The following NLRP12 variants were observed in gnomAD, a reference collection of about 807,000 sequenced individuals.
NLRP12 encodes NLR family pyrin domain containing 12.
A neutral mutation model predicts 91.2 loss-of-function variants in NLRP12; 108 were observed. The observed-to-expected ratio is 1.18, with a 90% CI of 1.01 to 1.39. NLRP12 has a LOEUF of 1.39. Ranked by LOEUF, NLRP12 falls within the 40% of genes most tolerant of loss-of-function variation. The probability of loss-of-function intolerance (pLI) is 0.00; values close to 1 mark genes in which losing one functional copy is unlikely to be tolerated. For synonymous variants in NLRP12, 613 were observed against 566.7 expected (o/e 1.08, Z -1.16); for missense variants, 1,530 against 1,352.7 (o/e 1.13, Z -2.06).
chr19:53,804,087 T>C lies in NLRP12; in HGVS notation c.2450A>G (p.Gln817Arg). 1.2e-6 allele frequency: 2 copies of C among 1,614,044 alleles called. No individual in the cohort carries two copies. Among genetic ancestry groups the C allele is most frequent in the South Asian group, 1.1e-5 (1 of 91,082 alleles). ...GGTGCCGAGCACAGAAGCCATCTCC[T>C]GACAAGCCCCGGACTCCAGCTGACA... is the stretch of plus-strand genomic sequence containing the variant. ...RKCQLESGAC[Q>R]EMASVLGTNP... The change falls in exon 6 of 10, where the codon CAG becomes CGG. Residue 817 changes from glutamine to arginine, a missense_variant. Coordinates refer to ENST00000324134, the MANE Select transcript of NLRP12 (RefSeq NM_144687.4).
chr19:53,809,439 G>C (rs923371348), intron 3 of NLRP12, 148 bp downstream of exon 3: 2 of 758,222 alleles, frequency 2.6e-6, no homozygotes, highest in African/African-American at 1.8e-5. Flanking sequence ...GCTGAAGCAG[G>C]AGAATCTCTT....
chr19:53,794,984 G>A (rs1207811049), intron 9 of NLRP12, among the ~76,000 whole-genome samples: 3 of 151,840 alleles, frequency 2.0e-5, no homozygotes, highest in Non-Finnish European at 4.4e-5. Context: ...AGTTCCTGCT[G>A]GGTCACCCAG....
chr19:53,819,549 A>ATGTG (rs1568696045), intron 1 of NLRP12, among the ~76,000 whole-genome samples: 1 of 113,150 alleles, frequency 8.8e-6, no homozygotes, highest in African/African-American at 3.3e-5. Flanking sequence ...ACGTATATAT[A>ATGTG]TGTATGTATA....
At chr19:53,804,627 T>C (rs1253092009) in intron 5 of NLRP12, among the ~76,000 whole-genome samples, 1 of 148,526 alleles carries the variant, frequency 6.7e-6, no homozygotes, top group Non-Finnish European at 1.5e-5. Flanking sequence ...GCCAGGCTGG[T>C]CTCGAACTCC....
rs2091941229 is a variant in NLRP12, at chr19:53,805,363, G to C, written c.2331C>G (p.Leu777=). The C allele has an allele frequency of 1.2e-6, 2 of 1,614,000 alleles. No individual in the cohort carries two copies. Among genetic ancestry groups the C allele is most frequent in the South Asian group, 2.2e-5 (2 of 91,084 alleles). Residue 777 remains leucine (L), a synonymous_variant, in exon 5 of 10, where the codon CTC becomes CTG. Coordinates refer to ENST00000324134, the MANE Select transcript of NLRP12 (RefSeq NM_144687.4). The stretch of plus-strand genomic sequence containing the variant: ...CTGGGAATCCAACGCCGTTGCCACT[G>C]AGATCCATCCTTGTCAAATTCTTAT... The part of the protein sequence containing the change: ...IANKNLTRMD[L]SGNGVGFPGM...
At chr19:53,805,575 T>A in intron 4 of NLRP12, 125 bp from the exon 5 acceptor site, 1 of 1,118,554 alleles carries the variant, frequency 8.9e-7, no homozygotes, top group Non-Finnish European at 1.3e-6. Flanking sequence ...TGGAGAGCAG[T>A]GGCATGATTT....
chr19:53,813,905 A>G (rs181451508), intron 2 of NLRP12, among the ~76,000 whole-genome samples: 282 of 149,322 alleles, frequency 1.9e-3, no homozygotes, highest in African/African-American at 6.2e-3. Flanking sequence ...CTTGTTGCCC[A>G]GGCTGGTCTC....
intron 8 of NLRP12, among the ~76,000 whole-genome samples, chr19:53,797,137 A>ATTT (rs142973794): frequency 0.12 from 18,326 of 150,628 alleles, 1,353 homozygotes; most frequent in South Asian, 0.17. Context: ...TTGAATTATT[A>ATTT]TTTTTTTTTC....
In NLRP12 at chr19:53,795,965, G is replaced by T. The variant is rs770386298; in HGVS notation, c.2992C>A (p.Gln998Lys). ...ENLYFTLGIN[Q>K]TLTDLYLTNN... Reference sequence around the variant, plus strand: ...GTCAGGTAAAGGTCGGTCAAGGTCTGGTTGATCCCCAGGGTGAAGTAAAGA... The same window carrying T: ...GTCAGGTAAAGGTCGGTCAAGGTCTTGTTGATCCCCAGGGTGAAGTAAAGA... The change falls in exon 9 of 10, where the codon CAG (glutamine) becomes AAG (lysine). Residue 998 changes from glutamine (Q) to lysine (K), a missense_variant. Gln to Lys is a moderately conservative substitution (Grantham distance 53). Transcript: ENST00000324134. 5.6e-6 allele frequency: 9 copies of T among 1,614,154 alleles called. 1 individual carries two copies. Among genetic ancestry groups the T allele is most frequent in the Non-Finnish European group, 7.6e-6 (9 of 1,180,014 alleles).
Position 53,807,836 on chromosome 19 carries a change from C to T in NLRP12, c.2073-171G>A, listed in dbSNP as rs11084300. The T allele has an allele frequency of 0.64, 442,189 of 691,498 alleles. 145,377 individuals carry two copies. The highest frequency in any genetic ancestry group is 0.68 in the Non-Finnish European group (268,138 of 396,678). 42.8% of individuals were successfully genotyped at this position (691,498 alleles called of 1,614,324 possible). A position where few individuals can be genotyped will look rare whatever the true frequency, so the allele number is the denominator to read the frequency against. The stretch of plus-strand genomic sequence containing the variant: ...CGCAATCTCAGCTCACCACAACCTC[C>T]GCCTCCTGGGTTCAAGCGATTCTCC... On this transcript the variant is annotated intron_variant, in intron 3 of 9. Coordinates refer to ENST00000324134, the MANE Select transcript of NLRP12 (RefSeq NM_144687.4).
Position 53,809,848 on chromosome 19 carries a change from G to A in NLRP12, c.1811C>T (p.Ser604Phe), listed in dbSNP as rs1287358816. Residue 604 changes from serine (S) to phenylalanine (F), a missense_variant, in exon 3 of 10, where the codon TCC (serine) becomes TTC (phenylalanine). Physicochemically the swap from Ser to Phe is radical, Grantham distance 155. Coordinates refer to ENST00000324134, the MANE Select transcript of NLRP12 (RefSeq NM_144687.4). Reference sequence around the variant, plus strand: ...CTCCAAGGAGCCCTGCTGCAGGGTGGAGCCGTCGCTCTGAGCTTTGCTTTG... The same window carrying A: ...CTCCAAGGAGCCCTGCTGCAGGGTGAAGCCGTCGCTCTGAGCTTTGCTTTG... Reference protein sequence around the residue: ...WIQSKAQSDGSTLQQGSLEFF... With the variant: ...WIQSKAQSDGFTLQQGSLEFF... 1.2e-6 allele frequency: 2 copies of A among 1,614,096 alleles called. No individual in the cohort carries two copies. The highest frequency in any genetic ancestry group is 4.5e-5 in the East Asian group (2 of 44,852).
At chr19:53,794,770 G>A (rs901964493) in intron 9 of NLRP12, among the ~76,000 whole-genome samples, 19 of 151,468 alleles carry the variant, frequency 1.3e-4, no homozygotes, top group Admixed American at 2.0e-4. Context: ...GGCTTCAAGC[G>A]ATTCTCCTGC....
At chr19:53,813,227 C>A (rs546557995) in intron 2 of NLRP12, among the ~76,000 whole-genome samples, 1 of 150,996 alleles carries the variant, frequency 6.6e-6, no homozygotes, top group Non-Finnish European at 1.5e-5. Context: ...AACAGAAACT[C>A]CATATCCATT....
intron 8 of NLRP12, among the ~76,000 whole-genome samples, chr19:53,797,941 G>C (rs1419008556): frequency 6.6e-6 from 1 of 151,416 alleles, no homozygotes; most frequent in Non-Finnish European, 1.5e-5. Context: ...GTTTCACCGT[G>C]TTAGGCTGGT....
At chr19:53,813,257 C>G (rs570722390) in intron 2 of NLRP12, among the ~76,000 whole-genome samples, 1 of 147,814 alleles carries the variant, frequency 6.8e-6, no homozygotes. Context: ...CTCATAATTT[C>G]TCCTCTCCCT....
intron 9 of NLRP12, among the ~76,000 whole-genome samples, chr19:53,795,099 G>GGTGTGTGTGT (rs1233389201): frequency 7.5e-6 from 1 of 133,398 alleles, no homozygotes; most frequent in African/African-American, 2.7e-5. Context: ...CACCATACCT[G>GGTGTGTGTGT]GTGTGTGCGT....
intron 1 of NLRP12, among the ~76,000 whole-genome samples, 162 bp from the exon 2 acceptor site, chr19:53,815,150 C>T (rs573934318): frequency 6.6e-6 from 1 of 151,856 alleles, no homozygotes; most frequent in Admixed American, 6.6e-5. Context: ...AATAGCTCAT[C>T]CCTTGTTCCT....
chr19:53,818,374 T>TA (rs757103265), intron 1 of NLRP12, among the ~76,000 whole-genome samples: 18 of 151,944 alleles, frequency 1.2e-4, no homozygotes, highest in Admixed American at 4.6e-4. Context: ...TTTTTTTTTT[T>TA]AAAGGTAATC....
chr19:53,798,213 A>G (rs1414792779), intron 8 of NLRP12, 30 bp downstream of exon 8: 2 of 1,613,540 alleles, frequency 1.2e-6, no homozygotes, highest in Non-Finnish European at 1.7e-6. Flanking sequence ...AAACGTGACC[A>G]CTGCCACCCC....
Sources: allele counts gnomAD v4.1 joint callset (sites outside exome capture counted in the v4.1 genomes callset), GRCh38; gene constraint gnomAD v4.1.1; transcripts MANE v1.5; gene names NCBI Gene and HGNC (gene_info 2026-07-23, HGNC 2026-07-21).